The following AFF3 variants were observed in gnomAD, a reference collection of about 807,000 sequenced individuals.
AFF3 encodes ALF transcription elongation factor 3.
Under a neutral mutation model 129.7 loss-of-function variants are expected in AFF3, and 32 were observed. That is an observed-to-expected ratio of 0.25 (90% confidence interval 0.19 to 0.33). The LOEUF (loss-of-function observed/expected upper bound fraction) is 0.33, where lower values mean the gene tolerates loss of function less well. Among genes scored for constraint, AFF3 ranks in the 10% least tolerant of loss-of-function variants. The pLI is 1.00. For missense variants in AFF3, 1,373 were observed against 1,592.0 expected, an observed-to-expected ratio of 0.86 and a Z score of 2.34; for synonymous variants, 644 against 635.4, an observed-to-expected ratio of 1.01 and a Z score of -0.20.
At position 99,655,213 on chromosome 2, in the gene AFF3, T is replaced by TACACAC. The variant is rs59646108; in HGVS notation, c.1144-5553_1144-5548dup. On this transcript the variant is annotated intron_variant, in intron 12 of 24. Coordinates refer to ENST00000672756, the MANE Select transcript of AFF3 (RefSeq NM_001386135.1). The stretch of plus-strand genomic sequence containing the variant: ...TAGAGGTGGGGCAGACATGAAAAGC[T>TACACAC]ACACACACACACACACACACACACA... 4.3e-3 allele frequency among the ~76,000 whole-genome samples: 566 copies of TACACAC among 130,352 alleles called. 3 individuals are homozygous for TACACAC. Among genetic ancestry groups the TACACAC allele is most frequent in the African/African-American group, 8.2e-3 (275 of 33,610 alleles). 85.5% of individuals were successfully genotyped at this position (130,352 alleles called of 152,430 possible). A position where few individuals can be genotyped will look rare whatever the true frequency, so the allele number is the denominator to read the frequency against.
At chr2:100,052,665 T>C (rs906526957) in intron 4 of AFF3, among the ~76,000 whole-genome samples, 7 of 152,122 alleles carry the variant, frequency 4.6e-5, no homozygotes, top group South Asian at 2.1e-4. Flanking sequence ...GGTTTAGAGA[T>C]TGTGATTCAA....
At chr2:99,820,141 G>A (rs1486452278) in intron 8 of AFF3, among the ~76,000 whole-genome samples, 2 of 152,108 alleles carry the variant, frequency 1.3e-5, no homozygotes, top group Non-Finnish European at 2.9e-5. Flanking sequence ...TGAGAAATGC[G>A]TTGTTGGGTG....
intron 11 of AFF3, chr2:99,707,036 T>A: frequency 1.1e-6 from 1 of 934,512 alleles, no homozygotes; most frequent in Non-Finnish European, 1.3e-6. Flanking sequence ...AAGGCCATAT[T>A]CCCCAGAATG....
At chr2:99,724,271 C>CTTTCTTTTTTTTT (rs1411290883) in intron 11 of AFF3, among the ~76,000 whole-genome samples, 1 of 66,862 alleles carries the variant, frequency 1.5e-5, no homozygotes, top group Admixed American at 2.5e-4. Context: ...AATGACCTTT[C>CTTTCTTTTTTTTT]TTTTTTTTTT....
chr2:100,085,117 G>A (rs1425352030), intron 4 of AFF3, among the ~76,000 whole-genome samples: 1 of 148,672 alleles, frequency 6.7e-6, no homozygotes, highest in Non-Finnish European at 1.5e-5. Context: ...AAAATATCAC[G>A]CTTTGTCGAA....
At chr2:99,994,833 G>C (rs1365970928) in intron 7 of AFF3, among the ~76,000 whole-genome samples, 1 of 152,074 alleles carries the variant, frequency 6.6e-6, no homozygotes, top group African/African-American at 2.4e-5. Context: ...GACATCATTT[G>C]AACCAGTGAA....
chr2:99,710,623 T>C (rs570069739), intron 11 of AFF3, among the ~76,000 whole-genome samples: 1 of 152,288 alleles, frequency 6.6e-6, no homozygotes, highest in South Asian at 2.1e-4. Flanking sequence ...TGAAATCCCA[T>C]GGAATCCTTA....
At chr2:99,735,604 T>C (rs1680188242) in intron 10 of AFF3, among the ~76,000 whole-genome samples, 1 of 152,138 alleles carries the variant, frequency 6.6e-6, no homozygotes, top group Non-Finnish European at 1.5e-5. Context: ...GCGATTCTCC[T>C]GCCTCAGTCT....
intron 7 of AFF3, among the ~76,000 whole-genome samples, chr2:99,921,197 T>G (rs1378495040): frequency 6.6e-6 from 1 of 152,156 alleles, no homozygotes; most frequent in Non-Finnish European, 1.5e-5. Context: ...ACAATGAGAA[T>G]GCCAACTCTG....
At chr2:99,966,689 C>CAAAAAAAAAAAAAAAA (rs61351679) in intron 7 of AFF3, among the ~76,000 whole-genome samples, 2 of 36,686 alleles carry the variant, frequency 5.5e-5, no homozygotes, top group Non-Finnish European at 1.1e-4. Flanking sequence ...GACTCCGTCT[C>CAAAAAAAAAAAAAAAA]AAAAAAAAAA....
chr2:99,582,964 A>C lies in AFF3; in HGVS notation c.2627T>G (p.Leu876Arg). ...AGAGAGGGGTGAGATGGGCGACCGAAGCATTTTTTCATTTTTATTTATTGG... is the reference window on the plus strand; with the variant it reads ...AGAGAGGGGTGAGATGGGCGACCGACGCATTTTTTCATTTTTATTTATTGG... ...AIPINKNEKM[L>R]RSPISPLSDA... Residue 876 changes from leucine to arginine, a missense_variant, in exon 17 of 25, where the codon CTT (leucine) becomes CGT (arginine). By Grantham distance (102) the Leu-to-Arg change is moderately radical. Coordinates refer to ENST00000672756, the MANE Select transcript of AFF3 (RefSeq NM_001386135.1). 6.2e-7 allele frequency: 1 copy of C among 1,614,126 alleles called. No homozygotes were observed. The highest frequency in any genetic ancestry group is 1.3e-5 in the African/African-American group (1 of 75,032).
chr2:99,949,641 C>T (rs1018478686), intron 7 of AFF3, among the ~76,000 whole-genome samples: 1 of 152,038 alleles, frequency 6.6e-6, no homozygotes, highest in Non-Finnish European at 1.5e-5. Context: ...CTAGATCCCT[C>T]GCATGTGCAG....
At chr2:100,104,795 T>TGCAGCCGCCGCC in intron 3 of AFF3, 4 of 721,780 alleles carry the variant, frequency 5.5e-6, no homozygotes, top group Non-Finnish European at 6.3e-6. Flanking sequence ...GGCCCGCTGC[T>TGCAGCCGCCGCC]GCAGCCGCCG....
At chr2:99,933,523 G>A (rs996407375) in intron 7 of AFF3, among the ~76,000 whole-genome samples, 1 of 151,990 alleles carries the variant, frequency 6.6e-6, no homozygotes. Context: ...GACAGACAGG[G>A]TGTGATGTTC....
intron 8 of AFF3, among the ~76,000 whole-genome samples, chr2:99,788,902 T>C (rs1303306859): frequency 6.6e-6 from 1 of 152,192 alleles, no homozygotes; most frequent in Non-Finnish European, 1.5e-5. Flanking sequence ...GTTATCATTG[T>C]GGCACGATTG....
chr2:99,574,041 T>G (rs1216725697), intron 18 of AFF3, among the ~76,000 whole-genome samples: 1 of 152,100 alleles, frequency 6.6e-6, no homozygotes, highest in African/African-American at 2.4e-5. Flanking sequence ...CTCTCAATTT[T>G]CCCCAGCCAA....
At chr2:99,782,684 G>T (rs1684501874) in intron 8 of AFF3, among the ~76,000 whole-genome samples, 1 of 152,198 alleles carries the variant, frequency 6.6e-6, no homozygotes, top group Non-Finnish European at 1.5e-5. Flanking sequence ...TGGTAATTAG[G>T]TTTGTGGATG....
chr2:99,855,581 TA>T (rs1483938561), intron 7 of AFF3, among the ~76,000 whole-genome samples: 1 of 152,186 alleles, frequency 6.6e-6, no homozygotes, highest in African/African-American at 2.4e-5. Flanking sequence ...CATTGGATTA[TA>T]AGGTGAAGTA....
chr2:99,743,107 T>A lies in AFF3; in HGVS notation c.1039+997A>T, dbSNP rs543251190. 6.1e-5 allele frequency among the ~76,000 whole-genome samples: 9 copies of A among 148,594 alleles called. No homozygotes were observed. In the South Asian group the frequency reaches 2.0e-3, roughly 33 times the overall value. ...TTCATCATTTTCTTCAGATTTCATG[T>A]CTTTTGTCATTTTGCCTCATCGCTG... On this transcript the variant is annotated intron_variant, in intron 10 of 24. Transcript: ENST00000672756.
Sources: allele counts gnomAD v4.1 joint callset (sites outside exome capture counted in the v4.1 genomes callset), GRCh38; gene constraint gnomAD v4.1.1; transcripts MANE v1.5; gene names NCBI Gene and HGNC (gene_info 2026-07-23, HGNC 2026-07-21).